The following ARHGEF28 variants were observed in gnomAD, a reference collection of about 807,000 sequenced individuals.
ARHGEF28 encodes 190 kDa guanine nucleotide exchange factor.
ARHGEF28 carries 152 observed loss-of-function variants against 206.6 expected under a neutral mutation model. The ratio of observed to expected loss-of-function variants is 0.74; its 90% confidence interval spans 0.64 to 0.84. The LOEUF (loss-of-function observed/expected upper bound fraction) is 0.84, where lower values mean the gene tolerates loss of function less well. Ranked by LOEUF, ARHGEF28 falls within the 40% of genes least tolerant of loss-of-function variation. The pLI is 0.00. For missense variants in ARHGEF28, 2,028 were observed against 2,073.2 expected, an observed-to-expected ratio of 0.98 and a Z score of 0.42; for synonymous variants, 763 against 776.4, an observed-to-expected ratio of 0.98 and a Z score of 0.29.
chr5:73,805,042 T>C (rs547055843), intron 9 of ARHGEF28, among the ~76,000 whole-genome samples: 8 of 152,358 alleles, frequency 5.3e-5, no homozygotes, highest in African/African-American at 1.9e-4. Context: ...CAATCATTTA[T>C]GTATGCCTGT....
At chr5:73,852,589 C>A in intron 13 of ARHGEF28, 61 bp from the exon 14 acceptor site, 1 of 1,472,838 alleles carries the variant, frequency 6.8e-7, no homozygotes, top group Non-Finnish European at 9.5e-7. Flanking sequence ...GCATTTCAGA[C>A]TAACATATGA....
At chr5:73,745,627 G>C in intron 2 of ARHGEF28, among the ~76,000 whole-genome samples, 1 of 152,068 alleles carries the variant, frequency 6.6e-6, no homozygotes, top group East Asian at 1.9e-4. Context: ...ATTCTAGTCA[G>C]TTCAGCTTTT....
In ARHGEF28 at chr5:73,885,960, G is replaced by A. The variant is rs1423700096; in HGVS notation, c.3166G>A (p.Glu1056Lys). The A allele has an allele frequency of 1.2e-6, 2 of 1,613,532 alleles. No individual in the cohort carries two copies. Among genetic ancestry groups the A allele is most frequent in the Non-Finnish European group, 1.7e-6 (2 of 1,179,674 alleles). The change falls in exon 25 of 36, where the codon GAG (glutamate) becomes AAG (lysine). Residue 1056 changes from glutamate (E) to lysine (K), a missense_variant. By Grantham distance (56) the Glu-to-Lys change is moderately conservative. Coordinates refer to ENST00000513042, the MANE Select transcript of ARHGEF28 (RefSeq NM_001177693.2). ...NEYEKNQKWL[E>K]ILNKIENKTY... ...ATATGAGAAAAACCAAAAATGGCTTGAGATCCTAAATAAGATTGAAAACAA... is the reference window on the plus strand; with the variant it reads ...ATATGAGAAAAACCAAAAATGGCTTAAGATCCTAAATAAGATTGAAAACAA...
At chr5:73,671,098 T>C (rs1746275358) in intron 1 of ARHGEF28, among the ~76,000 whole-genome samples, 2 of 152,196 alleles carry the variant, frequency 1.3e-5, no homozygotes, top group Admixed American at 1.3e-4. Context: ...TTTCATGGAA[T>C]TCATGGCCTC....
intron 2 of ARHGEF28, among the ~76,000 whole-genome samples, chr5:73,743,436 A>G (rs1277787905): frequency 6.6e-6 from 1 of 152,070 alleles, no homozygotes; most frequent in Non-Finnish European, 1.5e-5. Context: ...GCTGTGGTCT[A>G]TTTTATCCTA....
At chr5:73,926,260 A>T (rs904073480) in intron 35 of ARHGEF28, among the ~76,000 whole-genome samples, 17 of 152,200 alleles carry the variant, frequency 1.1e-4, no homozygotes, top group African/African-American at 3.6e-4. Flanking sequence ...TATTGGCTAA[A>T]TGTGGGCTGA....
intron 10 of ARHGEF28, among the ~76,000 whole-genome samples, chr5:73,834,000 A>G (rs1757454865): frequency 6.6e-6 from 1 of 152,144 alleles, no homozygotes. Context: ...CCACAGGGTA[A>G]TTGGACTTGG....
intron 2 of ARHGEF28, among the ~76,000 whole-genome samples, chr5:73,726,156 A>G (rs1750257974): frequency 1.3e-5 from 2 of 152,160 alleles, no homozygotes; most frequent in African/African-American, 4.8e-5. Context: ...GTGTGTGCAT[A>G]TGTGTGCCTG....
chr5:73,680,498 A>G (rs1580474784), intron 1 of ARHGEF28, among the ~76,000 whole-genome samples: 1 of 148,994 alleles, frequency 6.7e-6, no homozygotes, highest in Non-Finnish European at 1.5e-5. Flanking sequence ...CCATATTCTC[A>G]CTTAAAATGA....
intron 7 of ARHGEF28, among the ~76,000 whole-genome samples, chr5:73,789,079 G>A (rs2112475791): frequency 6.6e-6 from 1 of 152,176 alleles, no homozygotes; most frequent in Middle Eastern, 3.4e-3. Flanking sequence ...AATGTTCATT[G>A]CAGCATTATT....
chr5:73,941,035 C>G lies in ARHGEF28; in HGVS notation c.*22C>G. 6.9e-7 allele frequency: 1 copy of G among 1,451,250 alleles called. No individual in the cohort carries two copies. Among genetic ancestry groups the G allele is most frequent in the Non-Finnish European group, 9.0e-7 (1 of 1,108,398 alleles). The allele number at this position is 1,451,250 out of a possible 1,614,324, so 89.9% of individuals were successfully genotyped here. On this transcript the variant is annotated 3_prime_UTR_variant, in exon 36 of 36. Transcript: ENST00000513042. ...CTAATTGTGTTGTCATTTTTCCAAA[C>G]AAAACAAAACACTGGCACTTTTGGG...
chr5:73,885,939 G>A lies in ARHGEF28; in HGVS notation c.3145G>A (p.Glu1049Lys), dbSNP rs373197906. The A allele has an allele frequency of 1.2e-5, 19 of 1,613,392 alleles. No individual in the cohort carries two copies. In the African/African-American group the frequency reaches 2.3e-4, roughly 19 times the overall value. Residue 1049 changes from glutamate to lysine, a missense_variant, in exon 25 of 36, where the codon GAG (glutamate) becomes AAG (lysine). Physicochemically the swap from Glu to Lys is moderately conservative, Grantham distance 56. Transcript: ENST00000513042. Reference sequence around the variant, plus strand: ...AGTGGATTTAAAAGTCAATGAATATGAGAAAAACCAAAAATGGCTTGAGAT... The same window carrying A: ...AGTGGATTTAAAAGTCAATGAATATAAGAAAAACCAAAAATGGCTTGAGAT... ...ATVDLKVNEY[E>K]KNQKWLEILN... is the part of the protein sequence containing the mutation.
At chr5:73,655,440 T>A (rs1208012961) in intron 1 of ARHGEF28, among the ~76,000 whole-genome samples, 1 of 152,238 alleles carries the variant, frequency 6.6e-6, no homozygotes, top group Non-Finnish European at 1.5e-5. Flanking sequence ...ATTATCTCCT[T>A]TTATCTGCAT....
At chr5:73,805,005 A>G (rs1269943137) in intron 9 of ARHGEF28, among the ~76,000 whole-genome samples, 1 of 152,070 alleles carries the variant, frequency 6.6e-6, no homozygotes, top group Non-Finnish European at 1.5e-5. Context: ...TACATGGGAA[A>G]TTTGTCTGTT....
intron 10 of ARHGEF28, among the ~76,000 whole-genome samples, chr5:73,839,277 T>C (rs563056162): frequency 6.6e-6 from 1 of 152,332 alleles, no homozygotes; most frequent in Non-Finnish European, 1.5e-5. Flanking sequence ...TGTCAGGAGA[T>C]ATTTTAAGCC....
intron 12 of ARHGEF28, 81 bp downstream of exon 12, chr5:73,846,556 C>A: frequency 7.6e-7 from 1 of 1,323,314 alleles, no homozygotes; most frequent in Non-Finnish European, 1.0e-6. Context: ...ATCTGAAAGA[C>A]ATATTATATT....
chr5:73,642,986 A>G (rs2112144363), intron 1 of ARHGEF28, among the ~76,000 whole-genome samples: 1 of 152,376 alleles, frequency 6.6e-6, no homozygotes, highest in African/African-American at 2.4e-5. Flanking sequence ...ATTTATGTCC[A>G]TGACAGCTCC....
intron 2 of ARHGEF28, among the ~76,000 whole-genome samples, chr5:73,740,723 C>T (rs1325310336): frequency 6.6e-6 from 1 of 152,164 alleles, no homozygotes; most frequent in Admixed American, 6.5e-5. Context: ...TGTCCTTTTC[C>T]TCTGAACGTG....
chr5:73,684,755 C>A, intron 1 of ARHGEF28, 86 bp from the exon 2 acceptor site: 1 of 1,195,224 alleles, frequency 8.4e-7, no homozygotes, highest in South Asian at 1.6e-5. Flanking sequence ...CTTCTCCCTC[C>A]ACAATATTGA....
Sources: allele counts gnomAD v4.1 joint callset (sites outside exome capture counted in the v4.1 genomes callset), GRCh38; gene constraint gnomAD v4.1.1; transcripts MANE v1.5; gene names NCBI Gene and HGNC (gene_info 2026-07-23, HGNC 2026-07-21).